Variants in ZBTB17 observed in about 807,000 individuals in gnomAD.
ZBTB17 encodes zinc finger and BTB domain containing 17, also known as zinc finger and BTB domain-containing protein 17.
A neutral mutation model predicts 85.1 loss-of-function variants in ZBTB17; 24 were observed. The observed-to-expected ratio is 0.28, with a 90% CI of 0.20 to 0.40. The LOEUF is 0.40. ZBTB17 is among the 10% of genes least tolerant of loss of function. The pLI is 1.00. For synonymous variants in ZBTB17, 464 were observed against 460.2 expected (o/e 1.01, Z -0.11); for missense variants, 743 against 1,105.1 (o/e 0.67, Z 4.65).
Position 15,958,790 on chromosome 1 carries a change from A to G in ZBTB17, c.-2-10293T>C, listed in dbSNP as rs144053321. ...GAAAGACCTTTGGGCAGGGGACAGCATAAGCAATGATGGCTGAGGGGCCAG... is the reference window on the plus strand; with the variant it reads ...GAAAGACCTTTGGGCAGGGGACAGCGTAAGCAATGATGGCTGAGGGGCCAG... On this transcript the variant is annotated intron_variant, in intron 2 of 15. Coordinates refer to ENST00000375743, the MANE Select transcript of ZBTB17 (RefSeq NM_003443.3). Among the ~76,000 whole-genome samples, 5 of 152,342 alleles carry G rather than the reference A, an allele frequency of 3.3e-5. No individual in the cohort carries two copies. The East Asian group carries it at 9.6e-4, about 29-fold the overall frequency.
intron 2 of ZBTB17, among the ~76,000 whole-genome samples, chr1:15,948,762 G>A (rs1361999423): frequency 1.3e-5 from 2 of 152,158 alleles, no homozygotes; most frequent in African/African-American, 2.4e-5. Flanking sequence ...CGAGGCAGCC[G>A]CCTCCGTATT....
At position 15,947,055 on chromosome 1, in the gene ZBTB17, C is replaced by A. The variant is rs145893958; in HGVS notation, c.274G>T (p.Val92Leu). Residue 92 changes from valine to leucine, a missense_variant, in exon 4 of 16, where the codon GTG (valine) becomes TTG (leucine). Physicochemically the swap from Val to Leu is conservative, Grantham distance 32. Coordinates refer to ENST00000375743, the MANE Select transcript of ZBTB17 (RefSeq NM_003443.3). ...TGGAGGAAAGTGGCCACGGCCAGCA[C>A]ATCATCCACGTTCTCAGGGCTCAGG... ...LSLSPENVDD[V>L]LAVATFLQMQ... 1 of 1,614,108 alleles carries A rather than the reference C, an allele frequency of 6.2e-7. No individual in the cohort carries two copies. The highest frequency in any genetic ancestry group is 1.1e-5 in the South Asian group (1 of 91,084).
chr1:15,950,120 A>G (rs1399261666), intron 2 of ZBTB17, among the ~76,000 whole-genome samples: 1 of 152,232 alleles, frequency 6.6e-6, no homozygotes, highest in Non-Finnish European at 1.5e-5. Context: ...ATCAGGAGGT[A>G]AGGCCCTGGG....
intron 2 of ZBTB17, among the ~76,000 whole-genome samples, chr1:15,962,447 G>A (rs956455574): frequency 3.9e-5 from 6 of 152,076 alleles, no homozygotes; most frequent in African/African-American, 7.2e-5. Context: ...CTGTGGTGCC[G>A]CACGCACAGT....
At chr1:15,945,295 GC>G in intron 6 of ZBTB17, 93 bp from the exon 7 acceptor site, 1 of 1,486,358 alleles carries the variant, frequency 6.7e-7, no homozygotes, top group East Asian at 2.5e-5. Flanking sequence ...ACAGTAAATG[GC>G]CCCAGCACTG....
chr1:15,972,087 C>T (rs959436917), intron 2 of ZBTB17, among the ~76,000 whole-genome samples: 2 of 152,126 alleles, frequency 1.3e-5, no homozygotes, highest in Non-Finnish European at 2.9e-5. Flanking sequence ...CTTCCAGCGC[C>T]AGTGCATCCT....
intron 5 of ZBTB17, 137 bp downstream of exon 5, chr1:15,946,017 A>G (rs554869765): frequency 1.9e-6 from 3 of 1,553,092 alleles, no homozygotes; most frequent in African/African-American, 2.7e-5. Flanking sequence ...GGAACACACA[A>G]TAGGTCATTC....
Position 15,943,654 on chromosome 1 carries a change from G to A in ZBTB17, c.1521C>T (p.Cys507=), listed in dbSNP as rs770159832. 6.2e-7 allele frequency: 1 copy of A among 1,613,218 alleles called. No homozygotes were observed. Among genetic ancestry groups the A allele is most frequent in the Non-Finnish European group, 8.5e-7 (1 of 1,179,954 alleles). ...SGEKPYVCIH[C]QRQFADPGAL... is the part of the protein sequence containing the mutation. ...CGCCGGGGTCTGCAAACTGTCGCTG[G>A]CAGTGGATGCACACGTAGGGCTTCT... The change falls in exon 11 of 16, where the codon TGC becomes TGT. Residue 507 remains cysteine (C), a synonymous_variant. Transcript: ENST00000375743.
chr1:15,957,562 T>C (rs1042961238), intron 2 of ZBTB17, among the ~76,000 whole-genome samples: 1 of 151,338 alleles, frequency 6.6e-6, no homozygotes, highest in Middle Eastern at 3.2e-3. Flanking sequence ...GCCTTGGGAG[T>C]GACGAAGAGT....
rs1358455142 is a variant in ZBTB17, at chr1:15,961,033, A to G, written c.-3+12006T>C. On this transcript the variant is annotated intron_variant, in intron 2 of 15. Transcript: ENST00000375743. ...GGAGGCAGAGGCGGGAGGATCACTT[A>G]AGCCCACAAGGTCAACGCTGCAGTG... Among the ~76,000 whole-genome samples the G allele has an allele frequency of 3.3e-5, 5 of 152,140 alleles. No homozygotes were observed. In the East Asian group the frequency reaches 9.6e-4, roughly 29 times the overall value.
intron 1 of ZBTB17, among the ~76,000 whole-genome samples, chr1:15,975,229 T>C (rs2072823361): frequency 6.6e-6 from 1 of 152,248 alleles, no homozygotes; most frequent in Non-Finnish European, 1.5e-5. Context: ...ATAAGTGTTC[T>C]AGGAGCCTCA....
chr1:15,943,509 T>C lies in ZBTB17; in HGVS notation c.1587A>G (p.Pro529=). 6.2e-7 allele frequency: 1 copy of C among 1,610,140 alleles called. No homozygotes were observed. Residue 529 remains proline, a synonymous_variant, in exon 12 of 16, where the codon CCA becomes CCG. Transcript: ENST00000375743. ...RHVRIHTGEK[P]CQCVMCGKAF... ...CCTTACCGCACATCACACACTGGCATGGCTTCTCACCTGGGGACCGGGCAG... is the reference window on the plus strand; with the variant it reads ...CCTTACCGCACATCACACACTGGCACGGCTTCTCACCTGGGGACCGGGCAG...
Position 15,941,981 on chromosome 1 carries a change from C to G in ZBTB17, c.2400G>C (p.Pro800=), listed in dbSNP as rs376797956. 57 of 1,596,374 alleles carry G rather than the reference C, an allele frequency of 3.6e-5. No homozygotes were observed. The Admixed American group carries it at 9.0e-4, about 25-fold the overall frequency. Residue 800 remains proline, a synonymous_variant, in exon 16 of 16, where the codon CCG becomes CCC. Transcript: ENST00000375743. The part of the protein sequence containing the change: ...ETSPTAPECP[P]PAE The stretch of plus-strand genomic sequence containing the variant: ...AAGGGCCGCCAGCTCACTCGGCAGG[C>G]GGGGGACATTCAGGAGCTGTAGGGG...
intron 11 of ZBTB17, 31 bp from the exon 12 acceptor site, chr1:15,943,550 G>T: frequency 6.2e-7 from 1 of 1,611,748 alleles, no homozygotes; most frequent in Non-Finnish European, 8.5e-7. Context: ...GTTGGTGCCT[G>T]CTCCTCTCCG....
At position 15,942,792 on chromosome 1, in the gene ZBTB17, G is replaced by A. The variant is rs981395418; in HGVS notation, c.1829-54C>T. 2.1e-5 allele frequency: 34 copies of A among 1,588,312 alleles called. No individual in the cohort carries two copies. The South Asian group carries it at 3.7e-4, about 17-fold the overall frequency. On this transcript the variant is annotated intron_variant, in intron 13 of 15. Transcript: ENST00000375743. ...TGTGGGAAGGGGCCGCAGGGATGGG[G>A]TGGGAGGCCCTCAATGACTCGTTTG...
At position 15,943,387 on chromosome 1, in the gene ZBTB17, A is replaced by AG. The variant is rs768667946; in HGVS notation, c.1697+11dup. 3.2e-6 allele frequency: 5 copies of AG among 1,584,674 alleles called. No homozygotes were observed. Among genetic ancestry groups the AG allele is most frequent in the Non-Finnish European group, 3.4e-6 (4 of 1,164,280 alleles). On this transcript the variant is annotated intron_variant, in intron 12 of 15. Transcript: ENST00000375743. Reference sequence around the variant, plus strand: ...GGTGTCTGGCCAGTGGGTGTGGGGGAGGGGGCAGGACCTCTTGCCGCAGCG... The same window carrying AG: ...GGTGTCTGGCCAGTGGGTGTGGGGGAGGGGGGCAGGACCTCTTGCCGCAGCG...
At chr1:15,974,670 G>C (rs1433594494) in intron 1 of ZBTB17, among the ~76,000 whole-genome samples, 1 of 151,742 alleles carries the variant, frequency 6.6e-6, no homozygotes, top group Non-Finnish European at 1.5e-5. Flanking sequence ...CGCCTCCTGC[G>C]TTCGAGCGAT....
Position 15,962,099 on chromosome 1 carries a change from C to T in ZBTB17, c.-3+10940G>A, listed in dbSNP as rs148281291. Among the ~76,000 whole-genome samples the T allele has an allele frequency of 1.7e-3, 252 of 151,932 alleles. 1 individual carries two copies. Among genetic ancestry groups the T allele is most frequent in the African/African-American group, 5.8e-3 (240 of 41,404 alleles). On this transcript the variant is annotated intron_variant, in intron 2 of 15. Transcript: ENST00000375743. The stretch of plus-strand genomic sequence containing the variant: ...GCAGGTGTCTATGGTCCCAGCCACT[C>T]GGGAGGCTGAGGTGGAAGGATCACT...
chr1:15,945,740 G>C lies in ZBTB17; in HGVS notation c.636C>G (p.Ala212=), dbSNP rs1038017718. The C allele has an allele frequency of 6.2e-7, 1 of 1,607,112 alleles. No individual in the cohort carries two copies. The highest frequency in any genetic ancestry group is 1.3e-5 in the African/African-American group (1 of 74,888). ...TSGMAAAEAE[A]ALSESSEQEM... is the part of the protein sequence containing the mutation. ...CTTGCTCCGAGCTCTCGGACAAAGC[G>C]GCCTCAGCTTCTGCAGCAGCCATGC... Residue 212 remains alanine, a synonymous_variant, in exon 6 of 16, where the codon GCC becomes GCG. Coordinates refer to ENST00000375743, the MANE Select transcript of ZBTB17 (RefSeq NM_003443.3).
Sources: gnomAD v4.1 joint callset for allele counts (sites outside exome capture counted in the v4.1 genomes callset) on GRCh38, gnomAD v4.1.1 for gene constraint, MANE v1.5 for transcripts, NCBI Gene and HGNC (gene_info 2026-07-23, HGNC 2026-07-21) for gene names.